CEP63: variants seen among roughly 807,000 people sequenced by gnomAD.
The protein encoded by CEP63 is centrosomal protein of 63 kDa.
Under a neutral mutation model 89.1 loss-of-function variants are expected in CEP63, and 84 were observed. That is an observed-to-expected ratio of 0.94 (90% CI 0.79 to 1.13). The LOEUF is 1.13. CEP63 is among the 50% of genes most tolerant of loss of function. The pLI is 0.00. For synonymous variants in CEP63, 267 were observed against 272.5 expected, an observed-to-expected ratio of 0.98 and a Z score of 0.20; for missense variants, 838 against 813.3, an observed-to-expected ratio of 1.03 and a Z score of -0.37.
chr3:134,540,764 ATT>A (rs58341628), intron 6 of CEP63, among the ~76,000 whole-genome samples: 7 of 133,380 alleles, frequency 5.2e-5, no homozygotes, highest in Non-Finnish European at 9.5e-5. Context: ...TTGTTTTAGG[ATT>A]TTTTTTTTTT....
intron 12 of CEP63, chr3:134,553,620 A>G (rs1291503759): frequency 6.6e-6 from 1 of 152,218 alleles, no homozygotes; most frequent in East Asian, 1.9e-4. Flanking sequence ...GTTTGATAAT[A>G]ACCTTTAAAA....
chr3:134,486,383 C>G (rs1337530111), intron 1 of CEP63, 181 bp downstream of exon 1: 3 of 985,558 alleles, frequency 3.0e-6, no homozygotes, highest in Non-Finnish European at 2.4e-6. Flanking sequence ...AACCACCAGG[C>G]GCGTCCCCGC....
chr3:134,665,995 A>C, the CEP63 span, among the ~76,000 whole-genome samples: 1 of 152,010 alleles, frequency 6.6e-6, no homozygotes, highest in Admixed American at 6.5e-5. Context: ...CAGAAACAGA[A>C]TGAAGGGAAC....
At chr3:134,733,351 A>G in the CEP63 span, among the ~76,000 whole-genome samples, 1 of 138,188 alleles carries the variant, frequency 7.2e-6, no homozygotes, top group Non-Finnish European at 1.5e-5. Flanking sequence ...TAGTAAAACT[A>G]CTAGACTTTA....
Position 134,559,262 on chromosome 3 carries a change from C to G in CEP63, c.1786C>G (p.Leu596Val). 6.2e-7 allele frequency: 1 copy of G among 1,614,174 alleles called. No individual in the cohort carries two copies. The highest frequency in any genetic ancestry group is 8.5e-7 in the Non-Finnish European group (1 of 1,180,024). The part of the protein sequence containing the change: ...SDSINPMSRV[L>V]SPLSPQISPC... ...TAGTATAAACCCCATGTCTAGGGTG[C>G]TAAGCCCCCTGAGTCCTCAAATCAG... The change falls in exon 14 of 15, where the codon CTA becomes GTA. Residue 596 changes from leucine (L) to valine (V), a missense_variant. Leu to Val is a conservative substitution (Grantham distance 32, BLOSUM62 1). Transcript: ENST00000675561.
chr3:134,752,965 C>T, the CEP63 span, among the ~76,000 whole-genome samples: 1 of 152,094 alleles, frequency 6.6e-6, no homozygotes, highest in Non-Finnish European at 1.5e-5. Context: ...GTCTGGTGGC[C>T]AGGAGCCTGG....
chr3:134,769,732 G>A, the CEP63 span, among the ~76,000 whole-genome samples: 148 of 152,324 alleles, frequency 9.7e-4, 3 homozygotes, highest in East Asian at 0.026. Context: ...CTGCAGGAGA[G>A]ACCAGCCTTT....
Position 134,539,988 on chromosome 3 carries a change from T to C in CEP63, c.555+2720T>C, listed in dbSNP as rs567294666. ...TACAGTGTGCAGTACATTCATGTAC[T>C]TTTGATAGGAAAAACCTATATGCAC... On this transcript the variant is annotated intron_variant, in intron 6 of 14. Coordinates refer to ENST00000675561, the MANE Select transcript of CEP63 (RefSeq NM_001353108.3). Among the ~76,000 whole-genome samples, 2 of 152,310 alleles carry C rather than the reference T, an allele frequency of 1.3e-5. 1 individual carries two copies. The highest frequency in any genetic ancestry group is 4.8e-5 in the African/African-American group (2 of 41,570).
the CEP63 span, among the ~76,000 whole-genome samples, chr3:134,752,942 G>A: frequency 8.5e-5 from 13 of 152,232 alleles, no homozygotes; most frequent in South Asian, 4.1e-4. Context: ...ACCACTGCCC[G>A]GGCATGATAT....
At chr3:134,526,446 A>G (rs1339317750) in intron 3 of CEP63, among the ~76,000 whole-genome samples, 1 of 152,092 alleles carries the variant, frequency 6.6e-6, no homozygotes, top group African/African-American at 2.4e-5. Context: ...TTTCAGCTCT[A>G]TCAGGTTGCT....
At chr3:134,611,514 G>C in the CEP63 span, among the ~76,000 whole-genome samples, 1 of 152,228 alleles carries the variant, frequency 6.6e-6, no homozygotes, top group African/African-American at 2.4e-5. Flanking sequence ...TAGGGCCTTT[G>C]TGTAAATTAG....
rs1957427242 is a variant in CEP63 at position 134,562,297 on chromosome 3, C to T, written c.*762C>T. On this transcript the variant is annotated 3_prime_UTR_variant, in exon 15 of 15. Coordinates refer to ENST00000675561, the MANE Select transcript of CEP63 (RefSeq NM_001353108.3). ...AACGATGGGAGTTGATAAGATCCAC[C>T]AGGGAGGCTGTGGAGAGAGAGAGGA... is the stretch of plus-strand genomic sequence containing the variant. 1 of 878,634 alleles carries T rather than the reference C, an allele frequency of 1.1e-6. No homozygotes were observed. Among genetic ancestry groups the T allele is most frequent in the African/African-American group, 1.8e-5 (1 of 55,034 alleles). The allele number at this position is 878,634 out of a possible 1,614,324, so 54.4% of individuals were successfully genotyped here.
chr3:134,523,086 T>C (rs925264601), intron 3 of CEP63, among the ~76,000 whole-genome samples: 1 of 152,214 alleles, frequency 6.6e-6, no homozygotes, highest in Non-Finnish European at 1.5e-5. Flanking sequence ...TTTTAAATAA[T>C]AGCCATTCTG....
chr3:134,676,817 T>C, the CEP63 span, among the ~76,000 whole-genome samples: 1 of 152,202 alleles, frequency 6.6e-6, no homozygotes, highest in Non-Finnish European at 1.5e-5. Flanking sequence ...GGATTTTCTA[T>C]CGCTTACCCC....
the CEP63 span, chr3:134,607,357 G>T: frequency 5.1e-6 from 5 of 985,560 alleles, no homozygotes; most frequent in Non-Finnish European, 4.8e-6. Flanking sequence ...GGGGACACCT[G>T]TGCTCCCCGC....
intron 6 of CEP63, among the ~76,000 whole-genome samples, chr3:134,537,667 C>T (rs1275854030): frequency 6.6e-6 from 1 of 152,170 alleles, no homozygotes; most frequent in East Asian, 1.9e-4. Flanking sequence ...ACCACAGTCC[C>T]ATTCCTCCCT....
intron 5 of CEP63, chr3:134,536,169 A>G (rs935651873): frequency 3.9e-5 from 6 of 152,256 alleles, no homozygotes; most frequent in African/African-American, 1.4e-4. Context: ...TGAAGACTTC[A>G]TGCTCTGTTT....
the CEP63 span, among the ~76,000 whole-genome samples, chr3:134,720,112 C>A: frequency 6.6e-6 from 1 of 152,074 alleles, no homozygotes; most frequent in African/African-American, 2.4e-5. Flanking sequence ...CCAATTTCTT[C>A]AATTCTTTAC....
chr3:134,599,350 C>T, the CEP63 span, among the ~76,000 whole-genome samples: 2 of 152,178 alleles, frequency 1.3e-5, no homozygotes, highest in Non-Finnish European at 2.9e-5. Context: ...CAGCGAGAGA[C>T]ATGACGAAGC....
Sources: allele counts gnomAD v4.1 joint callset (sites outside exome capture counted in the v4.1 genomes callset), GRCh38; gene constraint gnomAD v4.1.1; transcripts MANE v1.5; gene names NCBI Gene and HGNC (gene_info 2026-07-23, HGNC 2026-07-21).